SLC4A10: variants seen among roughly 807,000 people sequenced by gnomAD.
SLC4A10 encodes solute carrier family 4 member 10.
Under a neutral mutation model 137.7 loss-of-function variants are expected in SLC4A10, and 42 were observed. That is an observed-to-expected ratio of 0.30 (90% CI 0.24 to 0.39). SLC4A10 has a LOEUF of 0.39. SLC4A10 is among the 10% of genes least tolerant of loss of function. The probability of loss-of-function intolerance (pLI) is 1.00; values close to 1 mark genes in which losing one functional copy is unlikely to be tolerated. For synonymous variants in SLC4A10, 474 were observed against 464.1 expected (o/e 1.02, Z -0.27); for missense variants, 925 against 1,355.0 (o/e 0.68, Z 4.98).
At chr2:161,626,627 T>G (rs1384185833) in intron 1 of SLC4A10, among the ~76,000 whole-genome samples, 1 of 152,114 alleles carries the variant, frequency 6.6e-6, no homozygotes, top group Non-Finnish European at 1.5e-5. Flanking sequence ...TATGAAAACC[T>G]TTTTTGTTTA....
chr2:161,882,822 A>G (rs1450638632), intron 10 of SLC4A10, among the ~76,000 whole-genome samples: 1 of 152,148 alleles, frequency 6.6e-6, no homozygotes, highest in South Asian at 2.1e-4. Context: ...TCTGAATAGT[A>G]TACATGACAC....
At chr2:161,891,890 A>T (rs186099892) in intron 10 of SLC4A10, among the ~76,000 whole-genome samples, 1 of 152,052 alleles carries the variant, frequency 6.6e-6, no homozygotes, top group Non-Finnish European at 1.5e-5. Flanking sequence ...TGGTTTTTGG[A>T]ATTTTCAGCC....
At chr2:161,719,041 T>A (rs2045299922) in intron 1 of SLC4A10, among the ~76,000 whole-genome samples, 1 of 152,172 alleles carries the variant, frequency 6.6e-6, no homozygotes, top group Non-Finnish European at 1.5e-5. Flanking sequence ...CTCCTAATGC[T>A]ATCCTTCCCC....
At position 161,956,404 on chromosome 2, in the gene SLC4A10, G is replaced by A. The variant is rs554322254; in HGVS notation, c.2542-585G>A. 3.3e-5 allele frequency among the ~76,000 whole-genome samples: 5 copies of A among 152,204 alleles called. No homozygotes were observed. The East Asian group carries it at 5.8e-4, about 18-fold the overall frequency. The stretch of plus-strand genomic sequence containing the variant: ...AGTCACTAAAAATTAAAAATAAAAG[G>A]TGGAACATAAAATAGGCCATCCCTT... On this transcript the variant is annotated intron_variant, in intron 19 of 26. Transcript: ENST00000446997.
chr2:161,969,322 A>G (rs1698123914), intron 23 of SLC4A10, among the ~76,000 whole-genome samples: 1 of 152,146 alleles, frequency 6.6e-6, no homozygotes, highest in Admixed American at 6.5e-5. Flanking sequence ...ATTTTCATGT[A>G]CTTCATGCAT....
chr2:161,879,871 A>G (rs898737493), intron 9 of SLC4A10, among the ~76,000 whole-genome samples: 2 of 152,070 alleles, frequency 1.3e-5, no homozygotes, highest in Non-Finnish European at 2.9e-5. Flanking sequence ...GTACAAATTT[A>G]ATTTGATGAT....
intron 15 of SLC4A10, among the ~76,000 whole-genome samples, chr2:161,936,537 A>T (rs1691617048): frequency 6.6e-6 from 1 of 152,036 alleles, no homozygotes; most frequent in African/African-American, 2.4e-5. Context: ...CTAGGAATTT[A>T]TCCATTTTTT....
intron 3 of SLC4A10, among the ~76,000 whole-genome samples, chr2:161,827,667 A>G (rs913924409): frequency 7.3e-5 from 11 of 151,458 alleles, no homozygotes; most frequent in Non-Finnish European, 1.5e-4. Flanking sequence ...CTGGGTTCAC[A>G]CCATTCTCCT....
At position 161,734,698 on chromosome 2, in the gene SLC4A10, G is replaced by A. The variant is rs551847263; in HGVS notation, c.49-36275G>A. 2.4e-3 allele frequency among the ~76,000 whole-genome samples: 357 copies of A among 151,504 alleles called. 1 individual carries two copies. Among genetic ancestry groups the A allele is most frequent in the African/African-American group, 7.8e-3 (322 of 41,314 alleles). ...TCATTTTATGTCTTTATAACTTTTC[G>A]TTTACCAAAAACATATCTTGTTTCT... On this transcript the variant is annotated intron_variant, in intron 1 of 26. Transcript: ENST00000446997.
At chr2:161,767,133 A>ATG (rs1250196276) in intron 1 of SLC4A10, among the ~76,000 whole-genome samples, 2 of 90,268 alleles carry the variant, frequency 2.2e-5, no homozygotes, top group East Asian at 3.6e-4. Context: ...ATATATATAT[A>ATG]TATATATGTG....
At chr2:161,857,012 C>T (rs1322310267) in intron 5 of SLC4A10, among the ~76,000 whole-genome samples, 1 of 152,170 alleles carries the variant, frequency 6.6e-6, no homozygotes, top group African/African-American at 2.4e-5. Context: ...TATACTTTTA[C>T]CAGTCTTCAC....
intron 4 of SLC4A10, among the ~76,000 whole-genome samples, chr2:161,849,377 C>A (rs550743349): frequency 1.0e-3 from 154 of 152,118 alleles, no homozygotes; most frequent in African/African-American, 3.6e-3. Flanking sequence ...CTTTCTCTAT[C>A]TGGATGGCTT....
At chr2:161,678,865 A>G (rs1435047579) in intron 1 of SLC4A10, among the ~76,000 whole-genome samples, 1 of 152,120 alleles carries the variant, frequency 6.6e-6, no homozygotes, top group African/African-American at 2.4e-5. Context: ...CTATTTTACT[A>G]TCGAAGGACA....
intron 4 of SLC4A10, among the ~76,000 whole-genome samples, chr2:161,854,478 C>T (rs944803437): frequency 1.3e-5 from 2 of 152,128 alleles, no homozygotes; most frequent in African/African-American, 4.8e-5. Context: ...GCAAGCCTAA[C>T]AAGGATTTTT....
intron 4 of SLC4A10, among the ~76,000 whole-genome samples, chr2:161,852,546 T>C (rs767815239): frequency 5.9e-5 from 9 of 152,042 alleles, no homozygotes; most frequent in Non-Finnish European, 1.2e-4. Flanking sequence ...CAGTAGGCAA[T>C]AAAGAAAACA....
chr2:161,750,457 T>C (rs1321017280), intron 1 of SLC4A10, among the ~76,000 whole-genome samples: 1 of 151,814 alleles, frequency 6.6e-6, no homozygotes, highest in African/African-American at 2.4e-5. Context: ...CTTGAGATAT[T>C]TTTAAGATTA....
intron 15 of SLC4A10, among the ~76,000 whole-genome samples, chr2:161,941,082 G>T (rs902533511): frequency 6.6e-6 from 1 of 152,150 alleles, no homozygotes; most frequent in African/African-American, 2.4e-5. Flanking sequence ...TATGTGATAA[G>T]CCTTAGAGCA....
intron 3 of SLC4A10, among the ~76,000 whole-genome samples, chr2:161,836,537 AAAG>A (rs2058792603): frequency 1.1e-4 from 1 of 9,208 alleles, no homozygotes. Context: ...AGAGAGAAAG[AAAG>A]AAAGAAAGAA....
At chr2:161,904,382 T>A (rs1683839207) in intron 13 of SLC4A10, among the ~76,000 whole-genome samples, 1 of 152,084 alleles carries the variant, frequency 6.6e-6, no homozygotes, top group African/African-American at 2.4e-5. Flanking sequence ...TAGTTCTGAG[T>A]CTTACAAAAG....
Sources: allele counts gnomAD v4.1 joint callset (sites outside exome capture counted in the v4.1 genomes callset), GRCh38; gene constraint gnomAD v4.1.1; transcripts MANE v1.5; gene names NCBI Gene and HGNC (gene_info 2026-07-23, HGNC 2026-07-21).